The following RTF2 variants were observed in gnomAD, a reference collection of about 807,000 sequenced individuals.
The protein encoded by RTF2 is UPF0549 protein C20orf43.
In RTF2, 18 loss-of-function variants were observed where a neutral mutation model predicts 38.0. The observed-to-expected ratio is 0.47, with a 90% CI of 0.33 to 0.70. The LOEUF (loss-of-function observed/expected upper bound fraction) is 0.70, where lower values mean the gene tolerates loss of function less well. RTF2 is among the 30% of genes least tolerant of loss of function. The probability of loss-of-function intolerance (pLI) is 0.02; values close to 1 mark genes in which losing one functional copy is unlikely to be tolerated. For missense variants in RTF2, 311 were observed against 379.6 expected, an observed-to-expected ratio of 0.82 and a Z score of 1.50; for synonymous variants, 126 against 137.1, an observed-to-expected ratio of 0.92 and a Z score of 0.57.
intron 4 of RTF2, among the ~76,000 whole-genome samples, chr20:56,478,958 G>C (rs1187277582): frequency 6.6e-6 from 1 of 152,198 alleles, no homozygotes; most frequent in African/African-American, 2.4e-5. Flanking sequence ...GGCAGATTCT[G>C]TCTCAAGAAA....
At chr20:56,476,209 G>T (rs747518995) in intron 3 of RTF2, among the ~76,000 whole-genome samples, 7 of 152,162 alleles carry the variant, frequency 4.6e-5, no homozygotes, top group Non-Finnish European at 1.0e-4. Flanking sequence ...TCGTTAGACC[G>T]TGGCCTCAGA....
At chr20:56,517,064 T>G (rs1194943426) in intron 7 of RTF2, 42 bp from the exon 8 acceptor site, 1 of 1,611,034 alleles carries the variant, frequency 6.2e-7, no homozygotes, top group Admixed American at 1.7e-5. Flanking sequence ...TCATGCTTTG[T>G]TTTGCATTGT....
intron 5 of RTF2, among the ~76,000 whole-genome samples, chr20:56,495,563 A>G (rs1441379558): frequency 6.6e-6 from 1 of 151,966 alleles, no homozygotes. Flanking sequence ...CTTGGGTTTC[A>G]TTTTTCAGCC....
chr20:56,476,351 C>T (rs1982242565), intron 3 of RTF2, among the ~76,000 whole-genome samples: 1 of 152,078 alleles, frequency 6.6e-6, no homozygotes, highest in Non-Finnish European at 1.5e-5. Flanking sequence ...AAAGCATTCC[C>T]TTCTGGGTGG....
Position 56,518,627 on chromosome 20 carries a change from A to T in RTF2, c.*362A>T, listed in dbSNP as rs1985214394. The T allele has an allele frequency of 5.8e-6, 1 of 173,424 alleles. No homozygotes were observed. Among genetic ancestry groups the T allele is most frequent in the Non-Finnish European group, 1.2e-5 (1 of 82,818 alleles). The allele number at this position is 173,424 out of a possible 1,614,324, so 10.7% of individuals were successfully genotyped here. A position where few individuals can be genotyped will look rare whatever the true frequency, so the allele number is the denominator to read the frequency against. On this transcript the variant is annotated 3_prime_UTR_variant, in exon 9 of 9. Transcript: ENST00000357348. ...ATATTAATTAACTAAAATTCTAATG[A>T]TCTTGCTACCAGCAATAAATCAAGT...
intron 3 of RTF2, among the ~76,000 whole-genome samples, chr20:56,475,384 C>T (rs1224630527): frequency 9.9e-5 from 15 of 152,136 alleles, no homozygotes; most frequent in Admixed American, 8.5e-4. Flanking sequence ...GAACCAGATC[C>T]CCTAACTCCC....
chr20:56,477,280 C>T (rs186103106), intron 4 of RTF2, among the ~76,000 whole-genome samples, 156 bp downstream of exon 4: 6 of 152,212 alleles, frequency 3.9e-5, no homozygotes, highest in Middle Eastern at 3.4e-3. Context: ...GTCATGAGCA[C>T]GTTCATTTCC....
At chr20:56,516,063 C>T (rs1985026413) in intron 6 of RTF2, 1 of 152,238 alleles carries the variant, frequency 6.6e-6, no homozygotes, top group Admixed American at 6.5e-5. Context: ...TGAATGCTTG[C>T]ATTGCATGTG....
At chr20:56,488,876 C>T (rs1203579344) in intron 5 of RTF2, among the ~76,000 whole-genome samples, 4 of 152,136 alleles carry the variant, frequency 2.6e-5, no homozygotes, top group African/African-American at 9.7e-5. Context: ...CTGTCTCAGC[C>T]TCCCTGCCTC....
intron 4 of RTF2, among the ~76,000 whole-genome samples, chr20:56,480,124 AG>A (rs1982458458): frequency 6.6e-6 from 1 of 152,130 alleles, no homozygotes; most frequent in Non-Finnish European, 1.5e-5. Context: ...CTTTCAACAC[AG>A]GGCTATTTTA....
intron 6 of RTF2, among the ~76,000 whole-genome samples, 188 bp downstream of exon 6, chr20:56,513,616 G>A (rs1346671914): frequency 1.3e-5 from 2 of 152,172 alleles, no homozygotes; most frequent in African/African-American, 2.4e-5. Flanking sequence ...TGGTGAGCAC[G>A]GCGGCTCTGC....
chr20:56,473,256 G>A, intron 1 of RTF2, 45 bp from the exon 2 acceptor site: 1 of 1,328,806 alleles, frequency 7.5e-7, no homozygotes, highest in East Asian at 2.3e-5. Context: ...TGAACCATGT[G>A]TCTTTCAGAG....
At chr20:56,500,029 C>T (rs1054775299) in intron 5 of RTF2, among the ~76,000 whole-genome samples, 3 of 151,794 alleles carry the variant, frequency 2.0e-5, no homozygotes, top group Non-Finnish European at 2.9e-5. Flanking sequence ...TGAACCACTG[C>T]GCCCGGCCTA....
intron 8 of RTF2, among the ~76,000 whole-genome samples, chr20:56,517,729 G>A (rs1454409486): frequency 6.6e-6 from 1 of 152,110 alleles, no homozygotes; most frequent in Non-Finnish European, 1.5e-5. Flanking sequence ...GTGATCTTGT[G>A]CTCTAAGTAG....
chr20:56,503,592 AC>A (rs1984063175), intron 5 of RTF2, among the ~76,000 whole-genome samples: 1 of 152,244 alleles, frequency 6.6e-6, no homozygotes. Context: ...GACACCTGCA[AC>A]ACCGACATTT....
At chr20:56,474,513 A>G (rs1244356430) in intron 2 of RTF2, among the ~76,000 whole-genome samples, 165 bp from the exon 3 acceptor site, 1 of 152,184 alleles carries the variant, frequency 6.6e-6, no homozygotes, top group Non-Finnish European at 1.5e-5. Flanking sequence ...CCTTCTTTGT[A>G]TGCTCTGGAA....
chr20:56,496,896 A>T, intron 5 of RTF2: 2 of 1,551,720 alleles, frequency 1.3e-6, no homozygotes, highest in Non-Finnish European at 1.7e-6. Context: ...TTTAATGTGC[A>T]ATGGTTGGAT....
intron 5 of RTF2, among the ~76,000 whole-genome samples, chr20:56,485,759 T>C (rs1982764773): frequency 6.6e-6 from 1 of 152,222 alleles, no homozygotes; most frequent in Admixed American, 6.5e-5. Context: ...GGCTCCCGTA[T>C]TAAGATGATG....
At chr20:56,515,940 C>G (rs1985020049) in intron 6 of RTF2, 1 of 152,230 alleles carries the variant, frequency 6.6e-6, no homozygotes, top group African/African-American at 2.4e-5. Flanking sequence ...CATTTCCTCT[C>G]TAACTCCTTC....
Sources: gnomAD v4.1 joint callset for allele counts (sites outside exome capture counted in the v4.1 genomes callset) on GRCh38, gnomAD v4.1.1 for gene constraint, MANE v1.5 for transcripts, NCBI Gene and HGNC (gene_info 2026-07-23, HGNC 2026-07-21) for gene names.